The following MAML2 variants were observed in gnomAD, a reference collection of about 807,000 sequenced individuals.
The protein encoded by MAML2 is mastermind-like protein 2.
In MAML2, 22 loss-of-function variants were observed where a neutral mutation model predicts 96.1. That is an observed-to-expected ratio of 0.23 (90% CI 0.16 to 0.33). The LOEUF (loss-of-function observed/expected upper bound fraction) is 0.33, where lower values mean the gene tolerates loss of function less well. Among genes scored for constraint, MAML2 ranks in the 10% least tolerant of loss-of-function variants. The pLI is 1.00. For synonymous variants in MAML2, 561 were observed against 521.3 expected (o/e 1.08, Z -1.04); for missense variants, 1,367 against 1,392.4 (o/e 0.98, Z 0.29).
intron 1 of MAML2, among the ~76,000 whole-genome samples, chr11:96,116,664 G>A (rs182995429): frequency 3.2e-4 from 48 of 152,264 alleles, no homozygotes; most frequent in African/African-American, 9.9e-4. Flanking sequence ...AAACAAATCA[G>A]GTTTCCAAAG....
intron 1 of MAML2, among the ~76,000 whole-genome samples, chr11:96,333,342 G>A (rs1481481602): frequency 6.6e-6 from 1 of 151,718 alleles, no homozygotes; most frequent in Non-Finnish European, 1.5e-5. Context: ...GTTAAATCAT[G>A]GGGAGTAAGC....
At chr11:96,142,206 A>G (rs1860742622) in intron 1 of MAML2, among the ~76,000 whole-genome samples, 1 of 152,152 alleles carries the variant, frequency 6.6e-6, no homozygotes, top group Non-Finnish European at 1.5e-5. Context: ...AGGTTTTCTG[A>G]AGAAATGACT....
intron 1 of MAML2, among the ~76,000 whole-genome samples, chr11:96,146,585 G>C (rs951489007): frequency 2.0e-5 from 3 of 152,140 alleles, no homozygotes; most frequent in African/African-American, 7.2e-5. Context: ...CCATATCATA[G>C]TTTACTTTGA....
intron 1 of MAML2, among the ~76,000 whole-genome samples, chr11:96,254,087 T>C (rs149736213): frequency 2.1e-3 from 322 of 152,288 alleles, no homozygotes; most frequent in Non-Finnish European, 3.8e-3. Flanking sequence ...CAGGTCCTAT[T>C]AGAGGTATTT....
intron 1 of MAML2, among the ~76,000 whole-genome samples, chr11:96,336,242 G>A (rs537686120): frequency 1.3e-5 from 2 of 152,216 alleles, no homozygotes; most frequent in Admixed American, 1.3e-4. Context: ...TGGGACAAAT[G>A]TTGATTACTC....
chr11:96,128,652 G>T (rs930050328), intron 1 of MAML2, among the ~76,000 whole-genome samples: 1 of 152,096 alleles, frequency 6.6e-6, no homozygotes, highest in African/African-American at 2.4e-5. Context: ...CCTTTTGTGG[G>T]ATTGTGCTCT....
chr11:96,050,449 T>C (rs976654636), intron 2 of MAML2, among the ~76,000 whole-genome samples: 1 of 152,138 alleles, frequency 6.6e-6, no homozygotes, highest in Admixed American at 6.6e-5. Context: ...TTGGATGGGT[T>C]TTTCAGGCTA....
At chr11:96,325,176 C>T (rs898400854) in intron 1 of MAML2, among the ~76,000 whole-genome samples, 3 of 151,946 alleles carry the variant, frequency 2.0e-5, no homozygotes, top group African/African-American at 7.3e-5. Context: ...TCAACGTCCC[C>T]ATCTAGTTGC....
At chr11:96,259,941 AT>A (rs5793794) in intron 1 of MAML2, among the ~76,000 whole-genome samples, 7,490 of 142,708 alleles carry the variant, frequency 0.052, 207 homozygotes, top group Middle Eastern at 0.093. Context: ...CTGACTTGTG[AT>A]TTTTTTTTTT....
chr11:96,122,264 A>G (rs756147916), intron 1 of MAML2, among the ~76,000 whole-genome samples: 3 of 152,020 alleles, frequency 2.0e-5, no homozygotes, highest in Non-Finnish European at 4.4e-5. Flanking sequence ...CTGAATTTCT[A>G]AAACCTAATT....
intron 2 of MAML2, among the ~76,000 whole-genome samples, chr11:96,004,359 T>C (rs1444090874): frequency 2.0e-5 from 3 of 152,160 alleles, no homozygotes; most frequent in Non-Finnish European, 4.4e-5. Flanking sequence ...GGCCAAATTA[T>C]ACATGAAACA....
At chr11:96,195,248 AT>A (rs774439591) in intron 1 of MAML2, among the ~76,000 whole-genome samples, 1 of 152,204 alleles carries the variant, frequency 6.6e-6, no homozygotes, top group Non-Finnish European at 1.5e-5. Flanking sequence ...AGCCCTATGA[AT>A]CTACACATTA....
rs1200130236 is a variant in MAML2 at position 96,330,208 on chromosome 11, C to A, written c.513+11175G>T. On this transcript the variant is annotated intron_variant, in intron 1 of 4. Coordinates refer to ENST00000524717, the MANE Select transcript of MAML2 (RefSeq NM_032427.4). The stretch of plus-strand genomic sequence containing the variant: ...GAGGAAGCCTAGGAGAATGTTGATG[C>A]ACATGAAGTGAATGTGAACTGACAA... Among the ~76,000 whole-genome samples the A allele has an allele frequency of 1.3e-4, 20 of 152,150 alleles. 1 individual carries two copies.
chr11:96,234,867 G>C (rs1299885895), intron 1 of MAML2, among the ~76,000 whole-genome samples: 2 of 152,138 alleles, frequency 1.3e-5, no homozygotes, highest in African/African-American at 4.8e-5. Context: ...TAAGAGATAA[G>C]TGAACAATAT....
At chr11:96,306,800 G>T (rs116665827) in intron 1 of MAML2, among the ~76,000 whole-genome samples, 5,478 of 152,188 alleles carry the variant, frequency 0.036, 110 homozygotes, top group Non-Finnish European at 0.044. Flanking sequence ...CACACCATTC[G>T]TTACAAGGGG....
rs78320485 is a variant in MAML2, at chr11:96,265,502, A to G, written c.513+75881T>C. Reference sequence around the variant, plus strand: ...AGGGAAGTGCTGGGTAGAGGAAGGCATGGTCCCAGGTTAGGACTCCACCCC... The same window carrying G: ...AGGGAAGTGCTGGGTAGAGGAAGGCGTGGTCCCAGGTTAGGACTCCACCCC... On this transcript the variant is annotated intron_variant, in intron 1 of 4. Coordinates refer to ENST00000524717, the MANE Select transcript of MAML2 (RefSeq NM_032427.4). 4.8e-3 allele frequency among the ~76,000 whole-genome samples: 720 copies of G among 151,414 alleles called. 7 individuals carry two copies. Among genetic ancestry groups the G allele is most frequent in the African/African-American group, 0.017 (679 of 40,710 alleles).
At chr11:96,314,918 T>C (rs546668733) in intron 1 of MAML2, among the ~76,000 whole-genome samples, 4 of 152,288 alleles carry the variant, frequency 2.6e-5, no homozygotes, top group African/African-American at 7.2e-5. Context: ...AAGCTGGTGT[T>C]GCAGCCACCA....
chr11:96,166,198 C>CACAT (rs1861191512), intron 1 of MAML2, among the ~76,000 whole-genome samples: 1 of 151,440 alleles, frequency 6.6e-6, no homozygotes, highest in Non-Finnish European at 1.5e-5. Context: ...CACACACACA[C>CACAT]ACACACACAC....
intron 1 of MAML2, among the ~76,000 whole-genome samples, chr11:96,314,482 C>T (rs1449633475): frequency 6.6e-6 from 1 of 152,212 alleles, no homozygotes; most frequent in Non-Finnish European, 1.5e-5. Context: ...AGGCCTCACC[C>T]ACTCCCAGAC....
Sources: gnomAD v4.1 joint callset for allele counts (sites outside exome capture counted in the v4.1 genomes callset) on GRCh38, gnomAD v4.1.1 for gene constraint, MANE v1.5 for transcripts, NCBI Gene and HGNC (gene_info 2026-07-23, HGNC 2026-07-21) for gene names.